TMEM91: variants seen among roughly 807,000 people sequenced by gnomAD.
The protein encoded by TMEM91 is dispanin subfamily C member 3.
A neutral mutation model predicts 13.3 loss-of-function variants in TMEM91; 6 were observed. The observed-to-expected ratio is 0.45, with a 90% confidence interval of 0.25 to 0.89. The LOEUF is 0.89. Among genes scored for constraint, TMEM91 ranks in the 40% least tolerant of loss-of-function variants. The probability of loss-of-function intolerance (pLI) is 0.19; values close to 1 mark genes in which losing one functional copy is unlikely to be tolerated. For synonymous variants in TMEM91, 87 were observed against 101.7 expected (o/e 0.86, Z 0.87); for missense variants, 193 against 228.7 (o/e 0.84, Z 1.01).
intron 1 of TMEM91, chr19:41,364,131 G>C (rs953713992): frequency 4.3e-5 from 7 of 164,128 alleles, no homozygotes; most frequent in African/African-American, 1.7e-4. Flanking sequence ...CGCTCGTCTT[G>C]GTTTCCGTGG....
intron 2 of TMEM91, among the ~76,000 whole-genome samples, chr19:41,378,821 T>TGA (rs748055535): frequency 1.4e-4 from 20 of 144,236 alleles, no homozygotes; most frequent in African/African-American, 3.4e-4. Context: ...TGTGTGTGTG[T>TGA]GTGAGAGAGA....
chr19:41,383,220 A>G (rs1160640159), intron 3 of TMEM91: 1 of 426,088 alleles, frequency 2.3e-6, no homozygotes, highest in Non-Finnish European at 4.1e-6. Flanking sequence ...TGCCTGGCTA[A>G]TTTTTGAATT....
At chr19:41,379,061 T>C (rs1308022079) in intron 2 of TMEM91, among the ~76,000 whole-genome samples, 19 of 151,322 alleles carry the variant, frequency 1.3e-4, no homozygotes, top group Non-Finnish European at 4.4e-5. Flanking sequence ...CTCAAACTCC[T>C]GAGCTCAAGC....
At chr19:41,369,505 C>T (rs1278245548) in intron 1 of TMEM91, among the ~76,000 whole-genome samples, 1 of 109,846 alleles carries the variant, frequency 9.1e-6, no homozygotes, top group African/African-American at 3.0e-5. Flanking sequence ...GACTGCACCT[C>T]TAAAAAAAAA....
intron 2 of TMEM91, among the ~76,000 whole-genome samples, chr19:41,378,823 T>TGAGAGAGA (rs1160229560): frequency 2.0e-4 from 9 of 44,658 alleles, no homozygotes; most frequent in Admixed American, 5.4e-4. Context: ...TGTGTGTGTG[T>TGAGAGAGA]GAGAGAGAGA....
intron 1 of TMEM91, among the ~76,000 whole-genome samples, chr19:41,370,388 T>TTTA (rs2038595495): frequency 3.0e-5 from 4 of 134,072 alleles, no homozygotes; most frequent in Non-Finnish European, 6.2e-5. Context: ...ATTTATTTAT[T>TTTA]TTTATTTTAT....
intron 2 of TMEM91, among the ~76,000 whole-genome samples, chr19:41,381,003 T>TGAACTTGG (rs1376689930): frequency 3.8e-4 from 53 of 140,980 alleles, no homozygotes; most frequent in Non-Finnish European, 7.5e-5. Flanking sequence ...GAGAATTGCT[T>TGAACTTGG]GAACTTGGGA....
At position 41,383,866 on chromosome 19, in the gene TMEM91, C is replaced by T. The variant is rs1032654429; in HGVS notation, c.512C>T (p.Pro171Leu). Residue 171 changes from proline to leucine, a missense_variant, in exon 4 of 4, where the codon CCG becomes CTG. Physicochemically the swap from Pro to Leu is moderately conservative, Grantham distance 98. Coordinates refer to ENST00000392002, the MANE Select transcript of TMEM91 (RefSeq NM_001098821.2). Reference protein sequence around the residue: ...TLAAYLASRDPP With the variant: ...TLAAYLASRDLP ...GCTGCCTACCTTGCCTCCCGAGACC[C>T]GCCCTAGTTGCCCCTACAGCCCTCA... 4 of 1,607,976 alleles carry T rather than the reference C, an allele frequency of 2.5e-6. No individual in the cohort carries two copies. The highest frequency in any genetic ancestry group is 3.4e-5 in the Admixed American group (2 of 59,286).
At chr19:41,373,692 T>A (rs2038659546), upstream of TMEM91, among the ~76,000 whole-genome samples, 1 of 37,082 alleles carries the variant, frequency 2.7e-5, no homozygotes, top group African/African-American at 1.0e-4. Flanking sequence ...GAGACCAGCC[T>A]GGGCAACATG....
At chr19:41,364,143 T>G (rs1363584784) in intron 1 of TMEM91, 1 of 163,876 alleles carries the variant, frequency 6.1e-6, no homozygotes, top group Non-Finnish European at 1.4e-5. Flanking sequence ...TTTCCGTGGT[T>G]GTTGCTGGGG....
chr19:41,372,119 T>G (rs1599922887), upstream of TMEM91, among the ~76,000 whole-genome samples: 9 of 137,538 alleles, frequency 6.5e-5, no homozygotes, highest in African/African-American at 8.1e-5. Flanking sequence ...GGGGCGGGGG[T>G]GGGGATCACT....
At position 41,368,293 on chromosome 19, in the gene TMEM91, T is replaced by G. The variant is rs116508798; in HGVS notation, c.-30+4198T>G. On this transcript the variant is annotated intron_variant, in intron 1 of 3. Transcript: ENST00000413014. Reference sequence around the variant, plus strand: ...ATAGCAGGGCATGGTGACACATGTCTGCAGTCCCATCTACTTAGGAGGCTG... The same window carrying G: ...ATAGCAGGGCATGGTGACACATGTCGGCAGTCCCATCTACTTAGGAGGCTG... Among the ~76,000 whole-genome samples, 1,144 of 152,020 alleles carry G rather than the reference T, an allele frequency of 7.5e-3. 10 individuals carry two copies. The highest frequency in any genetic ancestry group is 0.026 in the African/African-American group (1,099 of 41,482).
chr19:41,378,999 T>C (rs2038802604), intron 2 of TMEM91, among the ~76,000 whole-genome samples: 1 of 151,830 alleles, frequency 6.6e-6, no homozygotes, highest in African/African-American at 2.4e-5. Context: ...GCCTGGCTAA[T>C]TTTTTGGTGT....
chr19:41,369,748 C>T (rs1311611560), intron 1 of TMEM91, among the ~76,000 whole-genome samples: 2 of 151,330 alleles, frequency 1.3e-5, no homozygotes, highest in African/African-American at 4.9e-5. Context: ...GTGGAGGTTG[C>T]AGTGAGCCGA....
At chr19:41,374,505 C>T (rs1040580840), upstream of TMEM91, 3 of 152,144 alleles carry the variant, frequency 2.0e-5, no homozygotes, top group Admixed American at 1.3e-4. Flanking sequence ...CTAGGCAGCA[C>T]CTAAACCAAA....
intron 2 of TMEM91, among the ~76,000 whole-genome samples, chr19:41,380,954 T>C (rs8105450): frequency 0.63 from 87,840 of 139,722 alleles, 28,054 homozygotes; most frequent in African/African-American, 0.73. Context: ...GCCGTGGTGG[T>C]GGGTGCCTGT....
intron 1 of TMEM91, among the ~76,000 whole-genome samples, chr19:41,369,449 G>T (rs1299604315): frequency 1.3e-5 from 2 of 149,900 alleles, no homozygotes; most frequent in African/African-American, 4.9e-5. Flanking sequence ...CCAGGCTGCA[G>T]TGAGCTATGA....
At chr19:41,383,378 C>T in intron 3 of TMEM91, 1 of 752,450 alleles carries the variant, frequency 1.3e-6, no homozygotes, top group Non-Finnish European at 1.9e-6. Flanking sequence ...GGGCAAGTCA[C>T]TTAACTTCCC....
At chr19:41,373,755 G>T (rs1351006856), upstream of TMEM91, among the ~76,000 whole-genome samples, 1 of 148,964 alleles carries the variant, frequency 6.7e-6, no homozygotes, top group Non-Finnish European at 1.5e-5. Context: ...ATGGTGGCAG[G>T]TTCCTATAAT....
Sources: allele counts gnomAD v4.1 joint callset (sites outside exome capture counted in the v4.1 genomes callset), GRCh38; gene constraint gnomAD v4.1.1; transcripts MANE v1.5; gene names NCBI Gene and HGNC (gene_info 2026-07-23, HGNC 2026-07-21).